The following CLYBL variants were observed in gnomAD, a reference collection of about 807,000 sequenced individuals.
CLYBL encodes the protein citramalyl-CoA lyase, mitochondrial.
Under a neutral mutation model 38.9 loss-of-function variants are expected in CLYBL, and 31 were observed. The observed-to-expected ratio is 0.80, with a 90% confidence interval of 0.60 to 1.08. CLYBL has a LOEUF of 1.08. Among genes scored for constraint, CLYBL ranks in the 50% least tolerant of loss-of-function variants. The pLI is 0.00. For synonymous variants in CLYBL, 171 were observed against 158.6 expected (o/e 1.08, Z -0.59); for missense variants, 434 against 411.6 (o/e 1.05, Z -0.47).
intron 1 of CLYBL, among the ~76,000 whole-genome samples, chr13:99,614,420 G>A (rs1424247768): frequency 6.6e-6 from 1 of 152,174 alleles, no homozygotes; most frequent in African/African-American, 2.4e-5. Context: ...GTAGCCTAGG[G>A]GTAGGGGACA....
At chr13:99,866,188 G>T in intron 5 of CLYBL, 52 bp from the exon 6 acceptor site, 1 of 1,540,776 alleles carries the variant, frequency 6.5e-7, no homozygotes, top group Non-Finnish European at 8.9e-7. Context: ...AAATATCTGG[G>T]TGCGGTTTCC....
rs2051282685 is a variant in CLYBL, at chr13:99,849,514, T to C, written c.250-9347T>C. Among the ~76,000 whole-genome samples the C allele has an allele frequency of 6.6e-6, 1 of 152,014 alleles. No individual in the cohort carries two copies. Among genetic ancestry groups the C allele is most frequent in the Non-Finnish European group, 1.5e-5 (1 of 67,986 alleles). On this transcript the variant is annotated intron_variant, in intron 2 of 8. Coordinates refer to ENST00000339105, the MANE Select transcript of CLYBL (RefSeq NM_206808.5). The surrounding 1 kb of genome is among the most constrained non-coding windows in gnomAD (Gnocchi z 4.9). Reference sequence around the variant, plus strand: ...GCTGACACAGCAAGACCCTGTCTCTTAAAAAAAGTCTGTGCAAAGTGTACG... The same window carrying C: ...GCTGACACAGCAAGACCCTGTCTCTCAAAAAAAGTCTGTGCAAAGTGTACG...
intron 1 of CLYBL, among the ~76,000 whole-genome samples, chr13:99,718,166 A>G (rs536261834): frequency 5.9e-5 from 9 of 151,984 alleles, no homozygotes; most frequent in Non-Finnish European, 8.8e-5. Flanking sequence ...GGCATTAGCT[A>G]CCTCTCCCAG....
chr13:99,770,466 C>T (rs1007852790), intron 1 of CLYBL, among the ~76,000 whole-genome samples: 4 of 151,576 alleles, frequency 2.6e-5, no homozygotes, highest in Admixed American at 2.6e-4. Context: ...TACAGGCGCC[C>T]GCCACCACGC....
rs189867665 is a variant in CLYBL, at chr13:99,711,861, G to A, written c.63-60963G>A. On this transcript the variant is annotated intron_variant, in intron 1 of 8. Coordinates refer to ENST00000339105, the MANE Select transcript of CLYBL (RefSeq NM_206808.5). ...CTCCAGAGTAGCTGGGATTACAGGCGCCCACCATCACGCCCGGCTAATTTT... is the reference window on the plus strand; with the variant it reads ...CTCCAGAGTAGCTGGGATTACAGGCACCCACCATCACGCCCGGCTAATTTT... 2.6e-3 allele frequency among the ~76,000 whole-genome samples: 389 copies of A among 151,292 alleles called. 1 individual carries two copies. The highest frequency in any genetic ancestry group is 8.8e-3 in the African/African-American group (364 of 41,194).
intron 1 of CLYBL, among the ~76,000 whole-genome samples, chr13:99,631,579 T>G (rs924383885): frequency 6.6e-6 from 1 of 151,986 alleles, no homozygotes; most frequent in Non-Finnish European, 1.5e-5. Flanking sequence ...CTGTATTTTA[T>G]GTAGATTTGT....
chr13:99,751,293 G>C (rs78743833), intron 1 of CLYBL, among the ~76,000 whole-genome samples: 1 of 151,738 alleles, frequency 6.6e-6, no homozygotes, highest in Non-Finnish European at 1.5e-5. Context: ...TGATCCCGGC[G>C]CACTGCAATC....
chr13:99,906,692 G>A (rs1282032351), intron 9 of CLYBL, among the ~76,000 whole-genome samples: 2 of 152,150 alleles, frequency 1.3e-5, no homozygotes, highest in Non-Finnish European at 2.9e-5. Context: ...CCAAAGTGCT[G>A]GGCTTACAGG....
intron 1 of CLYBL, among the ~76,000 whole-genome samples, chr13:99,641,354 A>G (rs1286378556): frequency 6.6e-6 from 1 of 152,232 alleles, no homozygotes; most frequent in African/African-American, 2.4e-5. Context: ...TTATACCAAA[A>G]AAATCACTTT....
chr13:99,637,193 G>T (rs1351479967), intron 1 of CLYBL, among the ~76,000 whole-genome samples: 14 of 152,112 alleles, frequency 9.2e-5, no homozygotes, highest in Non-Finnish European at 1.9e-4. Context: ...CTTTATCTTT[G>T]TAAGTGCCAG....
At chr13:99,784,150 A>G (rs1594180433) in intron 2 of CLYBL, among the ~76,000 whole-genome samples, 1 of 152,212 alleles carries the variant, frequency 6.6e-6, no homozygotes, top group East Asian at 1.9e-4. Flanking sequence ...TGTGAACCAC[A>G]AAAGGATCAT....
chr13:99,890,633 T>A (rs1319693660), intron 7 of CLYBL, among the ~76,000 whole-genome samples: 1 of 152,012 alleles, frequency 6.6e-6, no homozygotes, highest in Non-Finnish European at 1.5e-5. Context: ...GCCCAGCTAA[T>A]TTTTTTGTAT....
intron 1 of CLYBL, among the ~76,000 whole-genome samples, chr13:99,674,060 G>C (rs1480280918): frequency 6.6e-6 from 1 of 151,926 alleles, no homozygotes; most frequent in African/African-American, 2.4e-5. Flanking sequence ...GTTGGGGTAG[G>C]GGTGGAGGTC....
At chr13:99,777,164 CACCCAGCCCCCACGCCCA>C (rs2049535199) in intron 2 of CLYBL, among the ~76,000 whole-genome samples, 1 of 152,112 alleles carries the variant, frequency 6.6e-6, no homozygotes, top group Admixed American at 6.5e-5. Context: ...CAGGCCACCG[CACCCAGCCCCCACGCCCA>C]ACCCAGTTCG....
intron 6 of CLYBL, among the ~76,000 whole-genome samples, chr13:99,870,020 C>A (rs559980803): frequency 1.6e-4 from 24 of 152,084 alleles, no homozygotes; most frequent in Admixed American, 6.5e-5. Context: ...CATTATTTCA[C>A]AAAATCCTGT....
chr13:99,833,024 ATATATATTTTTTTTTTTTTT>A (rs2050847740), intron 2 of CLYBL, among the ~76,000 whole-genome samples: 1 of 37,098 alleles, frequency 2.7e-5, no homozygotes, highest in African/African-American at 1.1e-4. Flanking sequence ...ATATATATAT[ATATATATTTTTTTTTTTTTT>A]TTTTTTTTTT....
At chr13:99,751,427 A>C (rs2048955164) in intron 1 of CLYBL, among the ~76,000 whole-genome samples, 2 of 152,086 alleles carry the variant, frequency 1.3e-5, no homozygotes, top group South Asian at 4.2e-4. Context: ...TGCCATGTTG[A>C]CCAGGCTGAT....
chr13:99,753,974 C>A (rs537721847), intron 1 of CLYBL, among the ~76,000 whole-genome samples: 5 of 147,822 alleles, frequency 3.4e-5, no homozygotes, highest in African/African-American at 1.0e-4. Flanking sequence ...GTAATCCCAG[C>A]TACTCAGGAG....
At chr13:99,682,034 G>T (rs1268372516) in intron 1 of CLYBL, among the ~76,000 whole-genome samples, 1 of 152,106 alleles carries the variant, frequency 6.6e-6, no homozygotes, top group South Asian at 2.1e-4. Context: ...ACAACCTACC[G>T]CACACCTAGG....
Sources: gnomAD v4.1 joint callset for allele counts (sites outside exome capture counted in the v4.1 genomes callset) on GRCh38, gnomAD v4.1.1 for gene constraint, Gnocchi (gnomAD v3.1) non-coding constraint, MANE v1.5 for transcripts, NCBI Gene and HGNC (gene_info 2026-07-23, HGNC 2026-07-21) for gene names.